GALNT16: variants seen among roughly 807,000 people sequenced by gnomAD.
The protein encoded by GALNT16 is polypeptide N-acetylgalactosaminyltransferase 16, also known as UDP-GalNAc:polypeptide N-acetylgalactosaminyltransferase-like protein 1.
GALNT16 carries 40 observed loss-of-function variants against 76.1 expected under a neutral mutation model. The ratio of observed to expected loss-of-function variants is 0.53; its 90% confidence interval spans 0.41 to 0.68. GALNT16 has a LOEUF of 0.68. Ranked by LOEUF, GALNT16 falls within the 30% of genes least tolerant of loss-of-function variation. GALNT16 has a pLI of 0.00. For missense variants in GALNT16, 621 were observed against 731.9 expected, an observed-to-expected ratio of 0.85 and a Z score of 1.75; for synonymous variants, 276 against 285.2, an observed-to-expected ratio of 0.97 and a Z score of 0.32.
intron 12 of GALNT16, among the ~76,000 whole-genome samples, chr14:69,343,164 C>A (rs2045517254): frequency 6.6e-6 from 1 of 152,194 alleles, no homozygotes; most frequent in African/African-American, 2.4e-5. Context: ...ATAGCTGTCA[C>A]CTTGGGGAAC....
chr14:69,295,714 C>A (rs972691003), intron 1 of GALNT16, among the ~76,000 whole-genome samples: 1 of 151,914 alleles, frequency 6.6e-6, no homozygotes, highest in African/African-American at 2.4e-5. Context: ...AGCGAGACTC[C>A]ATCTCAAAAA....
rs904007324 is a variant in GALNT16, at chr14:69,338,639, T to C, written c.968-12T>C. The C allele has an allele frequency of 6.8e-6, 11 of 1,611,288 alleles. No individual in the cohort carries two copies. The highest frequency in any genetic ancestry group is 9.3e-6 in the Non-Finnish European group (11 of 1,178,122). ...ACCCCTTCCTCCTCCTGACGGCTAC[T>C]ATTTCCTGCAGAGCTCTCCTTCAGG... On this transcript the variant is annotated splice_polypyrimidine_tract_variant and intron_variant, in intron 9 of 14. Coordinates refer to ENST00000448469, the MANE Select transcript of GALNT16 (RefSeq NM_001168368.2).
At chr14:69,269,818 G>A (rs68114783) in intron 1 of GALNT16, among the ~76,000 whole-genome samples, 10,904 of 151,778 alleles carry the variant, frequency 0.072, 696 homozygotes, top group East Asian at 0.24. Context: ...GTTTGTGTGT[G>A]TGTGTGTATG....
intron 1 of GALNT16, among the ~76,000 whole-genome samples, chr14:69,269,468 TG>T (rs1307217536): frequency 6.6e-6 from 1 of 151,486 alleles, no homozygotes; most frequent in East Asian, 1.9e-4. Context: ...GGTTTGTGTA[TG>T]TGTGTGTAGT....
At chr14:69,386,142 G>C in the GALNT16 span, among the ~76,000 whole-genome samples, 2 of 152,192 alleles carry the variant, frequency 1.3e-5, no homozygotes, top group Non-Finnish European at 2.9e-5. Flanking sequence ...AAGAGGTACA[G>C]AAAACAAAAC....
intron 1 of GALNT16, 46 bp downstream of exon 1, chr14:69,260,513 G>C (rs1225827503): frequency 7.7e-7 from 1 of 1,297,684 alleles, no homozygotes; most frequent in Non-Finnish European, 9.8e-7. Context: ...GAGCCGCGGC[G>C]CGCGTCCAGA....
chr14:69,347,141 G>A lies in GALNT16; in HGVS notation c.1373G>A (p.Gly458Glu), dbSNP rs773334831. The change falls in exon 13 of 15, where the codon GGG becomes GAG. Residue 458 changes from glycine to glutamate, a missense_variant. Coordinates refer to ENST00000448469, the MANE Select transcript of GALNT16 (RefSeq NM_001168368.2). ...NTAGDFLLGMGICRGSAKNPQ... is the reference protein window; with the variant it reads ...NTAGDFLLGMEICRGSAKNPQ... ...GCTGGTGACTTCCTGCTTGGAATGG[G>A]GATCTGCAGAGGGTCTGCCAAGAAC... The A allele has an allele frequency of 2.5e-6, 4 of 1,613,636 alleles. No homozygotes were observed. Among genetic ancestry groups the A allele is most frequent in the Non-Finnish European group, 3.4e-6 (4 of 1,179,768 alleles).
At chr14:69,384,589 G>A in the GALNT16 span, among the ~76,000 whole-genome samples, 4 of 152,090 alleles carry the variant, frequency 2.6e-5, no homozygotes, top group Non-Finnish European at 5.9e-5. Context: ...TTTCAGTAAG[G>A]TTCTTTTATA....
chr14:69,316,235 G>A (rs1054446119), intron 1 of GALNT16, among the ~76,000 whole-genome samples: 6 of 152,172 alleles, frequency 3.9e-5, no homozygotes, highest in African/African-American at 1.2e-4. Flanking sequence ...CTCAAGTATT[G>A]TATTTGGCCA....
chr14:69,339,613 T>A lies in GALNT16; in HGVS notation c.1181T>A (p.Phe394Tyr). 6.3e-7 allele frequency: 1 copy of A among 1,593,650 alleles called. No individual in the cohort carries two copies. The highest frequency in any genetic ancestry group is 2.2e-5 in the East Asian group (1 of 44,574). The change falls in exon 11 of 15, where the codon TTC becomes TAC. Residue 394 changes from phenylalanine to tyrosine, a missense_variant. Transcript: ENST00000448469. ...CGGCCCTCGGCCATCGGGAAGGCCT[T>A]CGGCAGGTGGGCCCCCCCAGCTCCA... is the stretch of plus-strand genomic sequence containing the variant. ...EARPSAIGKA[F>Y]GSVATRIEQR...
chr14:69,299,265 C>T (rs1235714670), intron 1 of GALNT16, among the ~76,000 whole-genome samples: 4 of 152,178 alleles, frequency 2.6e-5, no homozygotes, highest in African/African-American at 9.6e-5. Flanking sequence ...GTTTTTGTCC[C>T]TACTGTTCCT....
At chr14:69,341,918 A>G (rs372840770) in intron 12 of GALNT16, among the ~76,000 whole-genome samples, 154 bp downstream of exon 12, 1 of 152,142 alleles carries the variant, frequency 6.6e-6, no homozygotes, top group African/African-American at 2.4e-5. Context: ...CTGTGGGGGA[A>G]CTGAGAGGGC....
At chr14:69,362,834 G>A in the GALNT16 span, among the ~76,000 whole-genome samples, 3 of 152,234 alleles carry the variant, frequency 2.0e-5, no homozygotes, top group South Asian at 6.2e-4. Flanking sequence ...GCAAGACTTT[G>A]CAGCTCAGAC....
Position 69,353,303 on chromosome 14 carries a change from C to T in GALNT16, c.*1135C>T, listed in dbSNP as rs2045661820. Reference sequence around the variant, plus strand: ...GAGCCCCTAAGTCATTAGGGCTCAACCTCACCCTTATTCCCCTCCCTACTA... The same window carrying T: ...GAGCCCCTAAGTCATTAGGGCTCAATCTCACCCTTATTCCCCTCCCTACTA... On this transcript the variant is annotated 3_prime_UTR_variant, in exon 15 of 15. Coordinates refer to ENST00000448469, the MANE Select transcript of GALNT16 (RefSeq NM_001168368.2). 1 of 152,036 alleles carries T rather than the reference C, an allele frequency of 6.6e-6. No individual in the cohort carries two copies. The highest frequency in any genetic ancestry group is 1.5e-5 in the Non-Finnish European group (1 of 68,038). The allele number at this position is 152,036 out of a possible 1,614,324, so 9.4% of individuals were successfully genotyped here.
chr14:69,344,772 C>T (rs926945541), intron 12 of GALNT16, among the ~76,000 whole-genome samples: 2 of 152,220 alleles, frequency 1.3e-5, no homozygotes, highest in African/African-American at 2.4e-5. Context: ...GGGTCTGGAA[C>T]AACCCCTGGC....
chr14:69,271,316 C>T (rs550250467), intron 1 of GALNT16, among the ~76,000 whole-genome samples: 1 of 152,312 alleles, frequency 6.6e-6, no homozygotes, highest in South Asian at 2.1e-4. Flanking sequence ...AGCTCAAGAC[C>T]TATGGAACTT....
downstream of GALNT16, among the ~76,000 whole-genome samples, chr14:69,360,505 G>A (rs773845987): frequency 5.3e-5 from 8 of 151,978 alleles, no homozygotes; most frequent in African/African-American, 1.2e-4. Context: ...CCCAGTGCCT[G>A]TAGTCCCAGC....
At chr14:69,323,832 G>T (rs962803647) in intron 2 of GALNT16, among the ~76,000 whole-genome samples, 15 of 152,188 alleles carry the variant, frequency 9.9e-5, no homozygotes, top group Non-Finnish European at 1.9e-4. Context: ...TAGAATGAAT[G>T]CCACAATGAA....
At chr14:69,340,724 G>C (rs906986602) in intron 11 of GALNT16, among the ~76,000 whole-genome samples, 2 of 152,228 alleles carry the variant, frequency 1.3e-5, no homozygotes, top group East Asian at 3.9e-4. Flanking sequence ...GATCTCAAGC[G>C]ATCTGCATAT....
Sources: gnomAD v4.1 joint callset for allele counts (sites outside exome capture counted in the v4.1 genomes callset) on GRCh38, gnomAD v4.1.1 for gene constraint, MANE v1.5 for transcripts, NCBI Gene and HGNC (gene_info 2026-07-23, HGNC 2026-07-21) for gene names.